DNAH8: variants seen among roughly 807,000 people sequenced by gnomAD.
The protein encoded by DNAH8 is axonemal beta dynein heavy chain 8.
DNAH8 carries 382 observed loss-of-function variants against 562.1 expected under a neutral mutation model. The ratio of observed to expected loss-of-function variants is 0.68; its 90% CI spans 0.63 to 0.74. The LOEUF is 0.74. DNAH8 is among the 30% of genes least tolerant of loss of function. The pLI is 0.00. For synonymous variants in DNAH8, 1,881 were observed against 1,919.4 expected (o/e 0.98, Z 0.52); for missense variants, 5,203 against 5,620.4 (o/e 0.93, Z 2.37).
intron 24 of DNAH8, among the ~76,000 whole-genome samples, chr6:38,811,258 C>T (rs1374893272): frequency 1.3e-5 from 2 of 152,202 alleles, no homozygotes; most frequent in Non-Finnish European, 2.9e-5. Context: ...GACCACATAA[C>T]TTATTGTTCC....
At position 38,866,835 on chromosome 6, in the gene DNAH8, T is replaced by C; in HGVS notation, c.6652T>C (p.Tyr2218His). Reference sequence around the variant, plus strand: ...AAATGTTATCTTGGCTCAAAAATTTTACGTTCTTTACAAACTCTGTGAAGA... The same window carrying C: ...AAATGTTATCTTGGCTCAAAAATTTCACGTTCTTTACAAACTCTGTGAAGA... Reference protein sequence around the residue: ...LENVILAQKFYVLYKLCEEQL... With the variant: ...LENVILAQKFHVLYKLCEEQL... The change falls in exon 47 of 93, where the codon TAC (tyrosine) becomes CAC (histidine). Residue 2218 changes from tyrosine to histidine, a missense_variant. Tyr to His is a moderately conservative substitution (Grantham distance 83). Transcript: ENST00000327475. 1 of 1,613,292 alleles carries C rather than the reference T, an allele frequency of 6.2e-7. No homozygotes were observed.
intron 33 of DNAH8, among the ~76,000 whole-genome samples, chr6:38,842,025 T>C (rs761944843): frequency 3.9e-5 from 6 of 152,250 alleles, no homozygotes; most frequent in East Asian, 3.8e-4. Context: ...TAGCCGCAGC[T>C]ATGACCTTAT....
At chr6:38,913,804 A>G in intron 66 of DNAH8, 45 bp from the exon 67 acceptor site, 1 of 1,320,784 alleles carries the variant, frequency 7.6e-7, no homozygotes, top group South Asian at 1.3e-5. Context: ...TGATGAAGGC[A>G]TATACCTGTA....
intron 80 of DNAH8, among the ~76,000 whole-genome samples, chr6:38,948,203 CTA>C (rs990433826): frequency 3.9e-5 from 6 of 152,348 alleles, no homozygotes; most frequent in African/African-American, 1.4e-4. Context: ...TTTAACCTCT[CTA>C]TGCCTCAATA....
At chr6:38,773,639 C>T (rs368935450) in intron 12 of DNAH8, among the ~76,000 whole-genome samples, 1 of 152,186 alleles carries the variant, frequency 6.6e-6, no homozygotes, top group Admixed American at 6.6e-5. Context: ...AGACCGGCAT[C>T]TTTCCCATTG....
chr6:38,932,133 C>A, intron 76 of DNAH8, 140 bp downstream of exon 76: 10 of 466,150 alleles, frequency 2.1e-5, no homozygotes, highest in Non-Finnish European at 2.8e-5. Context: ...TCTTTTGCAG[C>A]CTTAATTCCT....
At chr6:38,995,754 T>C (rs1765095528) in intron 88 of DNAH8, among the ~76,000 whole-genome samples, 1 of 152,220 alleles carries the variant, frequency 6.6e-6, no homozygotes, top group Admixed American at 6.5e-5. Flanking sequence ...AATAAAATTG[T>C]TACAGAAGTG....
intron 71 of DNAH8, among the ~76,000 whole-genome samples, chr6:38,922,192 G>A (rs1218623852): frequency 6.6e-6 from 1 of 151,838 alleles, no homozygotes; most frequent in African/African-American, 2.4e-5. Context: ...AGCTCTGTTT[G>A]TAAAATGGGG....
intron 75 of DNAH8, among the ~76,000 whole-genome samples, chr6:38,929,888 C>T (rs1048912063): frequency 2.0e-5 from 3 of 151,800 alleles, no homozygotes; most frequent in East Asian, 3.9e-4. Context: ...TTTTTTATAG[C>T]GTATAAAAGT....
In DNAH8 at chr6:38,741,936, A is replaced by G. The variant is rs190278069; in HGVS notation, c.1293+49A>G. 8 of 1,509,048 alleles carry G rather than the reference A, an allele frequency of 5.3e-6. No individual in the cohort carries two copies. In the African/African-American group the frequency reaches 8.3e-5, roughly 16 times the overall value. The allele number at this position is 1,509,048 out of a possible 1,614,324, so 93.5% of individuals were successfully genotyped here. ...TTGGTATACTTCAGAACAAGCAACT[A>G]GAAAATTATCCTATTGAACTACTTC... On this transcript the variant is annotated intron_variant, in intron 8 of 92. Transcript: ENST00000327475.
intron 23 of DNAH8, among the ~76,000 whole-genome samples, chr6:38,807,348 T>C (rs1355178569): frequency 6.6e-6 from 1 of 152,254 alleles, no homozygotes; most frequent in African/African-American, 2.4e-5. Flanking sequence ...CTGAACATAC[T>C]GTTTGTGAAT....
chr6:38,746,757 C>T (rs559567519), intron 8 of DNAH8, among the ~76,000 whole-genome samples: 35 of 152,088 alleles, frequency 2.3e-4, no homozygotes, highest in Admixed American at 3.9e-4. Context: ...GGCAAAATCC[C>T]GTCTCTACTA....
Position 38,924,076 on chromosome 6 carries a change from G to T in DNAH8, c.10876G>T (p.Asp3626Tyr). ...NQIFRNYLLKDQWEMELRARK... is the reference protein window; with the variant it reads ...NQIFRNYLLKYQWEMELRARK... ...GATATTTAGGAACTATTTGCTTAAA[G>T]ATCAATGGGAAATGGAGTTGAGAGC... Residue 3626 changes from aspartate to tyrosine, a missense_variant, in exon 73 of 93, where the codon GAT becomes TAT. Coordinates refer to ENST00000327475, the MANE Select transcript of DNAH8 (RefSeq NM_001206927.2). 1 of 1,614,038 alleles carries T rather than the reference G, an allele frequency of 6.2e-7. No individual in the cohort carries two copies. Among genetic ancestry groups the T allele is most frequent in the Non-Finnish European group, 8.5e-7 (1 of 1,179,916 alleles).
intron 79 of DNAH8, among the ~76,000 whole-genome samples, chr6:38,943,972 G>A (rs1278517940): frequency 5.3e-5 from 8 of 152,168 alleles, no homozygotes; most frequent in Admixed American, 5.2e-4. Flanking sequence ...AAGCGGCAGA[G>A]CCAGGATATT....
intron 79 of DNAH8, among the ~76,000 whole-genome samples, chr6:38,939,226 C>G (rs1292584498): frequency 6.6e-6 from 1 of 152,168 alleles, no homozygotes; most frequent in Non-Finnish European, 1.5e-5. Flanking sequence ...ATTGATATAA[C>G]TACATTCAGT....
chr6:38,765,954 C>T (rs973438514), intron 11 of DNAH8, among the ~76,000 whole-genome samples: 1 of 152,152 alleles, frequency 6.6e-6, no homozygotes, highest in African/African-American at 2.4e-5. Flanking sequence ...CCAGCAATCT[C>T]ATTTCTGGGT....
intron 37 of DNAH8, among the ~76,000 whole-genome samples, chr6:38,849,560 GT>G (rs1051809877): frequency 1.6e-4 from 22 of 137,756 alleles, no homozygotes; most frequent in African/African-American, 5.0e-4. Flanking sequence ...GATAAAAGAG[GT>G]TTTTTTTTTG....
chr6:38,718,573 T>A (rs1418620474), intron 1 of DNAH8, among the ~76,000 whole-genome samples: 5 of 152,178 alleles, frequency 3.3e-5, no homozygotes, highest in Non-Finnish European at 7.4e-5. Flanking sequence ...ATATTTATTT[T>A]GGGAATCTTA....
chr6:38,997,899 A>AG (rs1386417287), intron 88 of DNAH8, among the ~76,000 whole-genome samples: 1 of 152,206 alleles, frequency 6.6e-6, no homozygotes, highest in Non-Finnish European at 1.5e-5. Flanking sequence ...CTGGAACTAC[A>AG]GGCATGTGCC....
Sources: gnomAD v4.1 joint callset for allele counts (sites outside exome capture counted in the v4.1 genomes callset) on GRCh38, gnomAD v4.1.1 for gene constraint, MANE v1.5 for transcripts, NCBI Gene and HGNC (gene_info 2026-07-23, HGNC 2026-07-21) for gene names.